Variants in ASB6 observed in about 807,000 individuals in gnomAD.
The protein encoded by ASB6 is ankyrin repeat and SOCS box containing 6.
A neutral mutation model predicts 28.6 loss-of-function variants in ASB6; 24 were observed. The ratio of observed to expected loss-of-function variants is 0.84; its 90% CI spans 0.61 to 1.18. The LOEUF is 1.18. Ranked by LOEUF, ASB6 falls within the 50% of genes most tolerant of loss-of-function variation. The pLI, the probability that ASB6 is intolerant of heterozygous loss-of-function variation, is 0.00. For synonymous variants in ASB6, 267 were observed against 243.4 expected (o/e 1.10, Z -0.90); for missense variants, 519 against 559.8 (o/e 0.93, Z 0.74).
Position 129,634,862 on chromosome 9 carries a change from G to A in ASB6, c.*2928C>T. 3.3e-6 allele frequency: 1 copy of A among 306,244 alleles called. No homozygotes were observed. 19.0% of individuals were successfully genotyped at this position (306,244 alleles called of 1,614,324 possible). Reference sequence around the variant, plus strand: ...TAGTGTAGGGAAGGCAGTCTCTCTGGGAGCTCCTGCAATGCCAAACTCTTA... The same window carrying A: ...TAGTGTAGGGAAGGCAGTCTCTCTGAGAGCTCCTGCAATGCCAAACTCTTA... On this transcript the variant is annotated 3_prime_UTR_variant, in exon 6 of 6. Transcript: ENST00000277458.
Position 129,635,320 on chromosome 9 carries a change from G to C in ASB6, c.*2470C>G. The C allele has an allele frequency of 3.1e-6, 5 of 1,613,846 alleles. No homozygotes were observed. Among genetic ancestry groups the C allele is most frequent in the Non-Finnish European group, 4.2e-6 (5 of 1,180,030 alleles). ...ACATGGCCCAGGAGGGCGTGATTCT[G>C]GACGACGTGGACAGCAGCGTGTGCC... On this transcript the variant is annotated 3_prime_UTR_variant, in exon 6 of 6. Coordinates refer to ENST00000277458, the MANE Select transcript of ASB6 (RefSeq NM_017873.4).
At chr9:129,639,562 G>T in intron 2 of ASB6, 54 bp from the exon 3 acceptor site, 2 of 1,505,336 alleles carry the variant, frequency 1.3e-6, no homozygotes, top group Non-Finnish European at 1.8e-6. Flanking sequence ...TTCTTATGGG[G>T]CCCCCGGACC....
Position 129,637,523 on chromosome 9 carries a change from A to T in ASB6, c.*267T>A. On this transcript the variant is annotated 3_prime_UTR_variant, in exon 6 of 6. Coordinates refer to ENST00000277458, the MANE Select transcript of ASB6 (RefSeq NM_017873.4). Reference sequence around the variant, plus strand: ...GCCCTCCAATTCAGAGGGTATAAACATCAATCCAAGCCCTGTTCCTCTTTC... The same window carrying T: ...GCCCTCCAATTCAGAGGGTATAAACTTCAATCCAAGCCCTGTTCCTCTTTC... The T allele has an allele frequency of 3.0e-6, 1 of 333,296 alleles. No homozygotes were observed. Among genetic ancestry groups the T allele is most frequent in the Non-Finnish European group, 5.5e-6 (1 of 183,098 alleles). The allele number at this position is 333,296 out of a possible 1,614,324, so 20.6% of individuals were successfully genotyped here.
In ASB6 at chr9:129,637,732, T is replaced by C. The variant is rs1831589559; in HGVS notation, c.*58A>G. 2.1e-6 allele frequency: 3 copies of C among 1,433,572 alleles called. No individual in the cohort carries two copies. In the South Asian group the frequency reaches 4.4e-5, roughly 21 times the overall value. 88.8% of individuals were successfully genotyped at this position (1,433,572 alleles called of 1,614,324 possible). A position where few individuals can be genotyped will look rare whatever the true frequency, so the allele number is the denominator to read the frequency against. The stretch of plus-strand genomic sequence containing the variant: ...ACCCTCTTCTAATGCTGTCCCAGCA[T>C]CTACCAACAGGCTGACCTGAGCTGC... On this transcript the variant is annotated 3_prime_UTR_variant, in exon 6 of 6. Transcript: ENST00000277458.
In ASB6 at chr9:129,641,891, C is replaced by G. The variant is rs748505347; in HGVS notation, c.109G>C (p.Asp37His). 1 of 1,596,602 alleles carries G rather than the reference C, an allele frequency of 6.3e-7. No individual in the cohort carries two copies. The highest frequency in any genetic ancestry group is 1.1e-5 in the South Asian group (1 of 88,748). Residue 37 changes from aspartate (D) to histidine (H), a missense_variant, in exon 1 of 6, where the codon GAC becomes CAC. Transcript: ENST00000277458. ...TCACGGGAGGGGGTGAGTTACCGGT[C>G]CAGAGACTCCTGCCGCTCGGGGTCC... ...IQDPERQESLDRPSYVASEES... is the reference protein window; with the variant it reads ...IQDPERQESLHRPSYVASEES...
At position 129,635,741 on chromosome 9, in the gene ASB6, C is replaced by T. The variant is rs1831514705; in HGVS notation, c.*2049G>A. ...GGGCTCCAGGGCTCCTGGTGCTCCC[C>T]ATGTGGGAATAGGGTGGCCACATCA... On this transcript the variant is annotated 3_prime_UTR_variant, in exon 6 of 6. Transcript: ENST00000277458. 1 of 407,994 alleles carries T rather than the reference C, an allele frequency of 2.5e-6. No homozygotes were observed. The highest frequency in any genetic ancestry group is 2.0e-5 in the African/African-American group (1 of 49,120). 25.3% of individuals were successfully genotyped at this position (407,994 alleles called of 1,614,324 possible). A position where few individuals can be genotyped will look rare whatever the true frequency, so the allele number is the denominator to read the frequency against.
intron 2 of ASB6, 32 bp downstream of exon 2, chr9:129,640,509 G>A: frequency 6.3e-7 from 1 of 1,587,080 alleles, no homozygotes; most frequent in Non-Finnish European, 8.6e-7. Context: ...CCGCGTTTAA[G>A]CCACCTGCCC....
chr9:129,640,367 C>T, intron 2 of ASB6, 174 bp downstream of exon 2: 1 of 838,690 alleles, frequency 1.2e-6, no homozygotes, highest in Non-Finnish European at 1.7e-6. Flanking sequence ...TGTGAAAACC[C>T]GCAGGGGGTG....
intron 1 of ASB6, among the ~76,000 whole-genome samples, 199 bp downstream of exon 1, chr9:129,641,688 G>C (rs1831705323): frequency 2.2e-5 from 2 of 89,384 alleles, no homozygotes; most frequent in African/African-American, 8.5e-5. Context: ...GGCCCTCCCC[G>C]CCCTTCGTCT....
Position 129,641,871 on chromosome 9 carries a change from GGAGGGGGT to G in ASB6, c.113+8_113+15del, listed in dbSNP as rs965971241. Reference sequence around the variant, plus strand: ...TCGGAGCGGCCTCGGCCAGCTCACGGGAGGGGGTGAGTTACCGGTCCAGAGACTCCTGC... The same window carrying G: ...TCGGAGCGGCCTCGGCCAGCTCACGGGAGTTACCGGTCCAGAGACTCCTGC... On this transcript the variant is annotated splice_region_variant and intron_variant, in intron 1 of 5. Transcript: ENST00000277458. 2.5e-6 allele frequency: 4 copies of G among 1,580,808 alleles called. No individual in the cohort carries two copies. The African/African-American group carries it at 5.6e-5, about 22-fold the overall frequency.
chr9:129,635,213 C>T lies in ASB6; in HGVS notation c.*2577G>A. On this transcript the variant is annotated 3_prime_UTR_variant, in exon 6 of 6. Coordinates refer to ENST00000277458, the MANE Select transcript of ASB6 (RefSeq NM_017873.4). ...CTTGCCTCTGCCCTCCCCAGGCCAC[C>T]TCACCGATCAGCACCTGGCCGAGTT... 6.2e-7 allele frequency: 1 copy of T among 1,608,396 alleles called. No individual in the cohort carries two copies. The highest frequency in any genetic ancestry group is 8.5e-7 in the Non-Finnish European group (1 of 1,179,438).
rs1463919567 is a variant in ASB6, at chr9:129,637,654, AC to A, written c.*135del. 2.2e-6 allele frequency: 2 copies of A among 892,310 alleles called. No individual in the cohort carries two copies. Among genetic ancestry groups the A allele is most frequent in the African/African-American group, 3.4e-5 (2 of 59,260 alleles). 55.3% of individuals were successfully genotyped at this position (892,310 alleles called of 1,614,324 possible). ...TGGAGTGATCACAGCTTCAGGCTCT[AC>A]CTGGCTGGCTTTTCTCATGAAGGAT... On this transcript the variant is annotated 3_prime_UTR_variant, in exon 6 of 6. Coordinates refer to ENST00000277458, the MANE Select transcript of ASB6 (RefSeq NM_017873.4).
intron 5 of ASB6, 25 bp from the exon 6 acceptor site, chr9:129,638,482 T>C: frequency 6.2e-7 from 1 of 1,608,200 alleles, no homozygotes; most frequent in South Asian, 1.1e-5. Flanking sequence ...GAACAAGAGA[T>C]GCTGGGAGAA....
chr9:129,638,351 G>T lies in ASB6; in HGVS notation c.705C>A (p.Ile235=). ...VGGDKEEAQM[I]NRFCFQVTRL... is the part of the protein sequence containing the mutation. ...GTGTGACTTGGAAGCAGAAGCGGTT[G>T]ATCATCTGGGCCTCCTCTTTGTCCC... The change falls in exon 6 of 6, where the codon ATC becomes ATA. Residue 235 remains isoleucine (I), a synonymous_variant. Transcript: ENST00000277458. The T allele has an allele frequency of 6.2e-7, 1 of 1,613,204 alleles. No individual in the cohort carries two copies. Among genetic ancestry groups the T allele is most frequent in the Non-Finnish European group, 8.5e-7 (1 of 1,180,036 alleles).
At chr9:129,640,275 C>G (rs1429989739) in intron 2 of ASB6, among the ~76,000 whole-genome samples, 1 of 152,238 alleles carries the variant, frequency 6.6e-6, no homozygotes, top group Non-Finnish European at 1.5e-5. Flanking sequence ...GGGGATTAAT[C>G]TGGGAGCTGG....
rs112804790 is a variant in ASB6 at position 129,637,441 on chromosome 9, G to A, written c.*349C>T. On this transcript the variant is annotated 3_prime_UTR_variant, in exon 6 of 6. Coordinates refer to ENST00000277458, the MANE Select transcript of ASB6 (RefSeq NM_017873.4). ...GCCACGTGCGGCCAACAAGAGCCCC[G>A]CAGCCCTGGGGTGCTGAGGCTTGGT... 4.0e-3 allele frequency: 717 copies of A among 180,608 alleles called. 8 individuals are homozygous for A. The highest frequency in any genetic ancestry group is 0.015 in the African/African-American group (654 of 42,732). 11.2% of individuals were successfully genotyped at this position (180,608 alleles called of 1,614,324 possible).
At chr9:129,638,535 G>T in intron 5 of ASB6, 38 bp downstream of exon 5, 1 of 1,611,698 alleles carries the variant, frequency 6.2e-7, no homozygotes. Context: ...TCGAAGGGGC[G>T]GGTGAGAGGA....
chr9:129,637,863 GCT>G lies in ASB6; in HGVS notation c.1191_1192del (p.Lys397AsnfsTer14). 1 of 1,543,924 alleles carries G rather than the reference GCT, an allele frequency of 6.5e-7. No individual in the cohort carries two copies. ...CTTCAGCCTGTCGGGCAGAGGCAGG[GCT>G]TTGACCTTCACATCCACAGGCCACG... On this transcript the variant is annotated frameshift_variant, in exon 6 of 6. Transcript: ENST00000277458. LOFTEE classifies it high-confidence loss of function.
chr9:129,634,690 C>T lies in ASB6; in HGVS notation c.*3100G>A, dbSNP rs1055210100. The T allele has an allele frequency of 6.7e-5, 15 of 225,540 alleles. No homozygotes were observed. Among genetic ancestry groups the T allele is most frequent in the Admixed American group, 1.1e-4 (2 of 18,910 alleles). The allele number at this position is 225,540 out of a possible 1,614,324, so 14.0% of individuals were successfully genotyped here. On this transcript the variant is annotated 3_prime_UTR_variant, in exon 6 of 6. Coordinates refer to ENST00000277458, the MANE Select transcript of ASB6 (RefSeq NM_017873.4). ...GCACCCTCTTAGCCTAACAGCACAC[C>T]TCGAGCGCTGTGCCCTGGGCTGCTG...
Sources: gnomAD v4.1 joint callset for allele counts (sites outside exome capture counted in the v4.1 genomes callset) on GRCh38, gnomAD v4.1.1 for gene constraint, MANE v1.5 for transcripts, NCBI Gene and HGNC (gene_info 2026-07-23, HGNC 2026-07-21) for gene names.